FCMR: variants seen among roughly 807,000 people sequenced by gnomAD.
FCMR encodes Fc mu receptor, also known as immunoglobulin mu Fc receptor.
FCMR carries 34 observed loss-of-function variants against 41.6 expected under a neutral mutation model. The ratio of observed to expected loss-of-function variants is 0.82; its 90% CI spans 0.62 to 1.09. The LOEUF is 1.09. Ranked by LOEUF, FCMR falls within the 50% of genes least tolerant of loss-of-function variation. The pLI is 0.00. For synonymous variants in FCMR, 209 were observed against 211.8 expected, an observed-to-expected ratio of 0.99 and a Z score of 0.12; for missense variants, 496 against 512.5, an observed-to-expected ratio of 0.97 and a Z score of 0.31.
At chr1:206,911,287 G>A (rs189052035) in intron 4 of FCMR, among the ~76,000 whole-genome samples, 14 of 149,750 alleles carry the variant, frequency 9.3e-5, no homozygotes, top group African/African-American at 3.0e-4. Context: ...GTGGTATATT[G>A]CAGTACTTCC....
intron 7 of FCMR, chr1:206,908,042 C>G (rs1420492340): frequency 1.6e-6 from 2 of 1,225,504 alleles, no homozygotes; most frequent in Admixed American, 3.6e-5. Flanking sequence ...GAGCGCCTGG[C>G]TCACGATGGT....
At chr1:206,912,235 A>G (rs1416249920) in intron 3 of FCMR, among the ~76,000 whole-genome samples, 7 of 152,114 alleles carry the variant, frequency 4.6e-5, no homozygotes, top group Non-Finnish European at 2.9e-5. Flanking sequence ...TTGTAGTTCT[A>G]TTCCCAATCT....
chr1:206,919,230 C>A (rs1423643204), intron 1 of FCMR, among the ~76,000 whole-genome samples: 1 of 152,160 alleles, frequency 6.6e-6, no homozygotes, highest in Non-Finnish European at 1.5e-5. Context: ...AAGAGGAAGA[C>A]CCAGGATAGA....
At chr1:206,918,227 G>A (rs1299918951) in intron 1 of FCMR, among the ~76,000 whole-genome samples, 1 of 152,142 alleles carries the variant, frequency 6.6e-6, no homozygotes, top group Non-Finnish European at 1.5e-5. Context: ...CACCCTTGGT[G>A]TGGCTTCCTT....
upstream of FCMR, among the ~76,000 whole-genome samples, chr1:206,922,319 C>T (rs975546421): frequency 6.6e-5 from 10 of 152,232 alleles, no homozygotes; most frequent in African/African-American, 2.4e-4. Flanking sequence ...GCTGTATGGG[C>T]AGACGCTTGG....
intron 5 of FCMR, 84 bp downstream of exon 5, chr1:206,910,126 T>C: frequency 8.6e-6 from 12 of 1,400,068 alleles, no homozygotes; most frequent in Non-Finnish European, 1.1e-5. Flanking sequence ...GCTCCGAGTT[T>C]CCCATGGAAG....
chr1:206,909,719 G>T lies in FCMR; in HGVS notation c.985+6C>A, dbSNP rs779631663. On this transcript the variant is annotated splice_donor_region_variant and intron_variant, in intron 6 of 7. Coordinates refer to ENST00000367091, the MANE Select transcript of FCMR (RefSeq NM_005449.5). The surrounding 1 kb of genome is among the most constrained non-coding windows in gnomAD (Gnocchi z 5.0). ...GCTACTCCCCGTGGCCCGCCCGGCGGCTCACCTGCAGCGTCCGCTCCACGA... is the reference window on the plus strand; with the variant it reads ...GCTACTCCCCGTGGCCCGCCCGGCGTCTCACCTGCAGCGTCCGCTCCACGA... 2.1e-6 allele frequency: 3 copies of T among 1,428,356 alleles called. No individual in the cohort carries two copies. Among genetic ancestry groups the T allele is most frequent in the Non-Finnish European group, 1.8e-6 (2 of 1,102,880 alleles). The allele number at this position is 1,428,356 out of a possible 1,614,324, so 88.5% of individuals were successfully genotyped here.
chr1:206,914,149 C>T, intron 1 of FCMR, 55 bp from the exon 2 acceptor site: 1 of 1,374,034 alleles, frequency 7.3e-7, no homozygotes, highest in East Asian at 2.3e-5. Flanking sequence ...TATATCCCAG[C>T]CCCATCTACT....
rs1406373186 is a variant in FCMR, at chr1:206,921,908, G to C, written c.-54C>G. The stretch of plus-strand genomic sequence containing the variant: ...AAGAGCCCCTAGAGAGGGGGATGGA[G>C]ACACGCTGCTTACTCAGGAACCCTT... On this transcript the variant is annotated 5_prime_UTR_variant, in exon 1 of 8. Coordinates refer to ENST00000367091, the MANE Select transcript of FCMR (RefSeq NM_005449.5). 27 of 1,514,030 alleles carry C rather than the reference G, an allele frequency of 1.8e-5. No homozygotes were observed. The highest frequency in any genetic ancestry group is 2.3e-5 in the Non-Finnish European group (25 of 1,089,396). 93.8% of individuals were successfully genotyped at this position (1,514,030 alleles called of 1,614,324 possible). A position where few individuals can be genotyped will look rare whatever the true frequency, so the allele number is the denominator to read the frequency against.
chr1:206,907,887 A>G, intron 7 of FCMR: 1 of 1,300,964 alleles, frequency 7.7e-7, no homozygotes, highest in Non-Finnish European at 1.1e-6. Flanking sequence ...TGCTGCCCCA[A>G]GAGACCAAGT....
intron 1 of FCMR, among the ~76,000 whole-genome samples, chr1:206,915,795 G>A (rs532671245): frequency 6.6e-6 from 1 of 152,278 alleles, no homozygotes; most frequent in African/African-American, 2.4e-5. Context: ...TGGGCGGAGA[G>A]ACATTTGCAA....
chr1:206,908,036 G>A, intron 7 of FCMR: 3 of 1,257,638 alleles, frequency 2.4e-6, no homozygotes, highest in Non-Finnish European at 3.4e-6. Flanking sequence ...TATCTGGAGC[G>A]CCTGGCTCAC....
In FCMR at chr1:206,911,716, C is replaced by T. The variant is rs762164021; in HGVS notation, c.710+14G>A. 3.4e-5 allele frequency: 54 copies of T among 1,607,614 alleles called. No homozygotes were observed. In the East Asian group the frequency reaches 1.1e-3, roughly 32 times the overall value. Reference sequence around the variant, plus strand: ...TTCTAGCCTAACTCTAGATCCTGGACAGTGGTCTCTTACCTCTGCCTGTGC... The same window carrying T: ...TTCTAGCCTAACTCTAGATCCTGGATAGTGGTCTCTTACCTCTGCCTGTGC... On this transcript the variant is annotated intron_variant, in intron 4 of 7. Transcript: ENST00000367091.
At position 206,913,816 on chromosome 1, in the gene FCMR, C is replaced by T. The variant is rs1327644479; in HGVS notation, c.316G>A (p.Ala106Thr). 2 of 1,614,238 alleles carry T rather than the reference C, an allele frequency of 1.2e-6. No homozygotes were observed. Among genetic ancestry groups the T allele is most frequent in the Admixed American group, 1.7e-5 (1 of 60,028 alleles). Reference sequence around the variant, plus strand: ...TTTCCCCGGTCTGTGTTCATGCCCGCTCCGCAGGCATAGACTCCGCTGTCA... The same window carrying T: ...TTTCCCCGGTCTGTGTTCATGCCCGTTCCGCAGGCATAGACTCCGCTGTCA... ...ESDSGVYACG[A>T]GMNTDRGKTQ... The change falls in exon 2 of 8, where the codon GCG becomes ACG. Residue 106 changes from alanine to threonine, a missense_variant. Ala to Thr is a moderately conservative substitution (Grantham distance 58, BLOSUM62 0). Transcript: ENST00000367091.
At position 206,904,979 on chromosome 1, in the gene FCMR, C is replaced by G; in HGVS notation, c.*40G>C. 6.2e-7 allele frequency: 1 copy of G among 1,611,304 alleles called. No homozygotes were observed. The highest frequency in any genetic ancestry group is 8.5e-7 in the Non-Finnish European group (1 of 1,178,608). On this transcript the variant is annotated 3_prime_UTR_variant, in exon 8 of 8. Transcript: ENST00000367091. ...GCAGATAGATGAGACTCCTTGGCAC[C>G]ACAGTCCGAGCCTGGGGTTGGGGGA...
At chr1:206,916,087 T>C (rs1202959382) in intron 1 of FCMR, among the ~76,000 whole-genome samples, 4 of 152,086 alleles carry the variant, frequency 2.6e-5, no homozygotes, top group African/African-American at 9.7e-5. Flanking sequence ...GACAGGCAGA[T>C]GGACCAGCCA....
chr1:206,912,210 G>A (rs1307015532), intron 3 of FCMR, among the ~76,000 whole-genome samples: 1 of 152,136 alleles, frequency 6.6e-6, no homozygotes, highest in Non-Finnish European at 1.5e-5. Context: ...CCTCTGAGCA[G>A]GGGGAAAACC....
chr1:206,907,475 C>T (rs1174788567), intron 7 of FCMR: 2 of 401,482 alleles, frequency 5.0e-6, no homozygotes, highest in African/African-American at 2.1e-5. Context: ...CAGGCCACCT[C>T]TTCCTGTCCC....
At chr1:206,912,358 G>T (rs986755707) in intron 3 of FCMR, among the ~76,000 whole-genome samples, 2 of 152,178 alleles carry the variant, frequency 1.3e-5, no homozygotes, top group African/African-American at 4.8e-5. Flanking sequence ...TCTCAGCAGG[G>T]TTACCTAGTG....
Sources: gnomAD v4.1 joint callset for allele counts (sites outside exome capture counted in the v4.1 genomes callset) on GRCh38, gnomAD v4.1.1 for gene constraint, Gnocchi (gnomAD v3.1) non-coding constraint, MANE v1.5 for transcripts, NCBI Gene and HGNC (gene_info 2026-07-23, HGNC 2026-07-21) for gene names.